STAC: variants seen among roughly 807,000 people sequenced by gnomAD.
STAC encodes SH3 and cysteine-rich domain-containing protein.
STAC carries 43 observed loss-of-function variants against 48.8 expected under a neutral mutation model. That is an observed-to-expected ratio of 0.88 (90% CI 0.69 to 1.14). The LOEUF (loss-of-function observed/expected upper bound fraction) is 1.14, where lower values mean the gene tolerates loss of function less well. STAC is among the 50% of genes most tolerant of loss of function. The probability of loss-of-function intolerance (pLI) is 0.00; values close to 1 mark genes in which losing one functional copy is unlikely to be tolerated. For missense variants in STAC, 497 were observed against 504.0 expected (o/e 0.99, Z 0.13); for synonymous variants, 193 against 179.5 (o/e 1.07, Z -0.60).
intron 1 of STAC, among the ~76,000 whole-genome samples, chr3:36,395,474 C>T (rs1699838617): frequency 6.6e-6 from 1 of 152,162 alleles, no homozygotes; most frequent in South Asian, 2.1e-4. Flanking sequence ...GCCATCTTCA[C>T]AGAGCCTGCA....
chr3:36,414,922 G>A (rs1441496934), intron 1 of STAC, among the ~76,000 whole-genome samples: 1 of 152,202 alleles, frequency 6.6e-6, no homozygotes, highest in Non-Finnish European at 1.5e-5. Flanking sequence ...GTTGGAGTTT[G>A]CTAGAGGTCC....
At chr3:36,505,260 A>G (rs530132799) in intron 7 of STAC, among the ~76,000 whole-genome samples, 3 of 152,204 alleles carry the variant, frequency 2.0e-5, no homozygotes, top group Non-Finnish European at 2.9e-5. Context: ...GCCAAAACCT[A>G]TGCTTTTTTC....
At chr3:36,514,204 CT>C (rs765548085) in intron 8 of STAC, among the ~76,000 whole-genome samples, 5,951 of 35,290 alleles carry the variant, frequency 0.17, 228 homozygotes, top group Non-Finnish European at 0.22. Flanking sequence ...CACTGGCCTT[CT>C]TTTTTTTTTT....
chr3:36,412,702 A>AT (rs1237373972), intron 1 of STAC, among the ~76,000 whole-genome samples: 4 of 152,290 alleles, frequency 2.6e-5, no homozygotes, highest in African/African-American at 9.6e-5. Context: ...TACTCACAAA[A>AT]TTCTACACAC....
chr3:36,513,395 C>T (rs972547923), intron 8 of STAC, among the ~76,000 whole-genome samples: 1 of 152,204 alleles, frequency 6.6e-6, no homozygotes, highest in Non-Finnish European at 1.5e-5. Context: ...GTATTTGATG[C>T]TCAATTCCTA....
At chr3:36,471,370 C>T (rs1697328433) in intron 2 of STAC, among the ~76,000 whole-genome samples, 1 of 152,174 alleles carries the variant, frequency 6.6e-6, no homozygotes, top group Non-Finnish European at 1.5e-5. Context: ...GATGTGAGCA[C>T]AGCCAAACCA....
chr3:36,502,421 A>G (rs1698302401), intron 6 of STAC, among the ~76,000 whole-genome samples: 1 of 152,168 alleles, frequency 6.6e-6, no homozygotes, highest in Admixed American at 6.5e-5. Flanking sequence ...TCTTCTTGCA[A>G]CCATACATGA....
chr3:36,485,132 T>C (rs903353335), intron 4 of STAC, 74 bp downstream of exon 4: 12 of 1,283,934 alleles, frequency 9.3e-6, no homozygotes, highest in African/African-American at 9.0e-5. Context: ...TGTCCTCCCA[T>C]GGCTGCAAAA....
chr3:36,392,218 A>G (rs969932234), intron 1 of STAC, among the ~76,000 whole-genome samples: 69 of 151,668 alleles, frequency 4.5e-4, no homozygotes, highest in African/African-American at 1.6e-3. Context: ...CCATCGTCCA[A>G]CCTCCCTACA....
intron 1 of STAC, among the ~76,000 whole-genome samples, chr3:36,412,729 C>G (rs1161386270): frequency 1.3e-5 from 2 of 152,182 alleles, no homozygotes; most frequent in African/African-American, 4.8e-5. Flanking sequence ...TCACCTGTTT[C>G]AGGGCTCTAT....
chr3:36,383,089 A>T (rs1451568805), intron 1 of STAC, among the ~76,000 whole-genome samples: 2 of 152,234 alleles, frequency 1.3e-5, no homozygotes, highest in Non-Finnish European at 2.9e-5. Flanking sequence ...TGATGAAAAG[A>T]AAAATAAATT....
chr3:36,433,551 C>T (rs145751837), intron 1 of STAC, among the ~76,000 whole-genome samples: 1 of 152,348 alleles, frequency 6.6e-6, no homozygotes, highest in African/African-American at 2.4e-5. Context: ...GATTAAAACA[C>T]TCAACTTCAC....
intron 1 of STAC, among the ~76,000 whole-genome samples, chr3:36,413,407 T>G (rs1209498033): frequency 6.6e-6 from 1 of 152,242 alleles, no homozygotes; most frequent in East Asian, 1.9e-4. Flanking sequence ...GCTGTTGAAT[T>G]GATCCCTTTA....
At chr3:36,388,585 A>G (rs932755974) in intron 1 of STAC, among the ~76,000 whole-genome samples, 10 of 152,026 alleles carry the variant, frequency 6.6e-5, no homozygotes, top group African/African-American at 2.4e-4. Flanking sequence ...AATAACCTGT[A>G]TCATTTCTCT....
Position 36,448,912 on chromosome 3 carries a change from C to CCG in STAC, c.388+5272_388+5273insCG, listed in dbSNP as rs200000390. On this transcript the variant is annotated intron_variant, in intron 2 of 10. Coordinates refer to ENST00000273183, the MANE Select transcript of STAC (RefSeq NM_003149.3). ...GGGCAAAACAGTGAACCCCCCCCCC[C>CCG]ACTCCCGACCCAGTCTCTAAAAAAA... is the stretch of plus-strand genomic sequence containing the variant. 2.9e-3 allele frequency among the ~76,000 whole-genome samples: 366 copies of CCG among 127,392 alleles called. 3 individuals carry two copies. The highest frequency in any genetic ancestry group is 0.028 in the East Asian group (122 of 4,418). The allele number at this position is 127,392 out of a possible 152,430, so 83.6% of individuals were successfully genotyped here. A position where few individuals can be genotyped will look rare whatever the true frequency, so the allele number is the denominator to read the frequency against.
chr3:36,486,157 G>A lies in STAC; in HGVS notation c.595G>A (p.Val199Ile), dbSNP rs760983416. The change falls in exon 5 of 11, where the codon GTC (valine) becomes ATC (isoleucine). Residue 199 changes from valine (V) to isoleucine (I), a missense_variant. By Grantham distance (29) the Val-to-Ile change is conservative. Coordinates refer to ENST00000273183, the MANE Select transcript of STAC (RefSeq NM_003149.3). ...AGCCTGTGGCAATAAGGTGGACCCT[G>A]TCTACGAGACCCTCCGCTTCGGCAC... The part of the protein sequence containing the change: ...PIACGNKVDP[V>I]YETLRFGTSL... 1.9e-6 allele frequency: 3 copies of A among 1,613,916 alleles called. No individual in the cohort carries two copies. Among genetic ancestry groups the A allele is most frequent in the Non-Finnish European group, 1.7e-6 (2 of 1,179,888 alleles).
At chr3:36,404,997 G>A (rs1046791945) in intron 1 of STAC, among the ~76,000 whole-genome samples, 1 of 152,072 alleles carries the variant, frequency 6.6e-6, no homozygotes, top group Non-Finnish European at 1.5e-5. Context: ...CATTACTTTT[G>A]TGCCATCCTA....
At chr3:36,537,908 A>G (rs1167705338) in intron 10 of STAC, among the ~76,000 whole-genome samples, 2 of 152,064 alleles carry the variant, frequency 1.3e-5, no homozygotes, top group Non-Finnish European at 2.9e-5. Context: ...TATTGCACCT[A>G]TAGAACCATT....
chr3:36,427,554 AGTAGTTAAGT>A (rs1282930833), intron 1 of STAC, among the ~76,000 whole-genome samples: 1 of 152,208 alleles, frequency 6.6e-6, no homozygotes, highest in Non-Finnish European at 1.5e-5. Flanking sequence ...CAGTTCATCT[AGTAGTTAAGT>A]CTACCTGGGC....
Sources: allele counts gnomAD v4.1 joint callset (sites outside exome capture counted in the v4.1 genomes callset), GRCh38; gene constraint gnomAD v4.1.1; transcripts MANE v1.5; gene names NCBI Gene and HGNC (gene_info 2026-07-23, HGNC 2026-07-21).